The following ADAMTS5 variants were observed in gnomAD, a reference collection of about 807,000 sequenced individuals.
ADAMTS5 encodes the protein A disintegrin and metalloproteinase with thrombospondin motifs 5.
A neutral mutation model predicts 81.4 loss-of-function variants in ADAMTS5; 54 were observed. That is an observed-to-expected ratio of 0.66 (90% CI 0.53 to 0.83). ADAMTS5 has a LOEUF of 0.83. ADAMTS5 is among the 40% of genes least tolerant of loss of function. The pLI, the probability that ADAMTS5 is intolerant of heterozygous loss-of-function variation, is 0.00. For synonymous variants in ADAMTS5, 532 were observed against 508.8 expected, an observed-to-expected ratio of 1.05 and a Z score of -0.61; for missense variants, 1,194 against 1,229.9, an observed-to-expected ratio of 0.97 and a Z score of 0.44.
intron 6 of ADAMTS5, 82 bp downstream of exon 6, chr21:26,931,922 C>T (rs552511386): frequency 1.1e-4 from 152 of 1,387,196 alleles, no homozygotes; most frequent in East Asian, 5.4e-4. Context: ...TAACTGTTTA[C>T]GTCTGGCGTC....
chr21:26,924,262 CAG>C lies in ADAMTS5; in HGVS notation c.2582_2583del (p.Ser861CysfsTer3), dbSNP rs1986761046. On this transcript the variant is annotated frameshift_variant, in exon 8 of 8. Transcript: ENST00000284987. LOFTEE classifies it high-confidence loss of function. Reference sequence around the variant, plus strand: ...ACTTTATTGCTGCCATGACTAGTGACAGAGTTTACTTTTGGAGTGGACTTCTT... The same window carrying C: ...ACTTTATTGCTGCCATGACTAGTGACAGTTTACTTTTGGAGTGGACTTCTT... ...VPKKSTPKVN[S>X]VTSHGSNKVG... 3 of 1,614,176 alleles carry C rather than the reference CAG, an allele frequency of 1.9e-6. No individual in the cohort carries two copies. Among genetic ancestry groups the C allele is most frequent in the Middle Eastern group, 3.3e-4 (2 of 6,062 alleles).
intron 6 of ADAMTS5, among the ~76,000 whole-genome samples, chr21:26,930,465 T>G (rs768117009): frequency 6.6e-6 from 1 of 152,234 alleles, no homozygotes; most frequent in African/African-American, 2.4e-5. Context: ...TGTTGCATAG[T>G]TGTTATTATA....
At chr21:26,942,203 T>G (rs1220967077) in intron 3 of ADAMTS5, among the ~76,000 whole-genome samples, 1 of 152,110 alleles carries the variant, frequency 6.6e-6, no homozygotes, top group African/African-American at 2.4e-5. Context: ...ATCAGAGAAC[T>G]GTGCAGCTGA....
chr21:26,965,995 G>A lies in ADAMTS5; in HGVS notation c.397C>T (p.Arg133Trp), dbSNP rs566023250. Residue 133 changes from arginine to tryptophan, a missense_variant, in exon 1 of 8, where the codon CGG becomes TGG. Physicochemically the swap from Arg to Trp is moderately radical, Grantham distance 101. Coordinates refer to ENST00000284987, the MANE Select transcript of ADAMTS5 (RefSeq NM_007038.5). The part of the protein sequence containing the change: ...PWRHRSHCFY[R>W]GTVDGSPRSL... Reference sequence around the variant, plus strand: ...CGGGGACTACCGTCCACTGTGCCCCGATAGAAGCAGTGGCTCCGGTGGCGC... The same window carrying A: ...CGGGGACTACCGTCCACTGTGCCCCAATAGAAGCAGTGGCTCCGGTGGCGC... 41 of 1,613,214 alleles carry A rather than the reference G, an allele frequency of 2.5e-5. No homozygotes were observed. The African/African-American group carries it at 3.7e-4, about 15-fold the overall frequency.
intron 2 of ADAMTS5, among the ~76,000 whole-genome samples, chr21:26,950,177 C>T (rs573850531): frequency 8.5e-5 from 13 of 152,250 alleles, no homozygotes; most frequent in African/African-American, 2.9e-4. Context: ...TATAATTAAC[C>T]ACTATAAAGC....
chr21:26,960,487 A>G (rs1568853130), intron 1 of ADAMTS5, among the ~76,000 whole-genome samples: 1 of 152,204 alleles, frequency 6.6e-6, no homozygotes. Context: ...CTCTAATCAG[A>G]TAGGGTTAGT....
At chr21:26,926,534 A>G (rs1231328642) in intron 7 of ADAMTS5, among the ~76,000 whole-genome samples, 1 of 152,126 alleles carries the variant, frequency 6.6e-6, no homozygotes, top group Non-Finnish European at 1.5e-5. Context: ...GTAGCTGGGC[A>G]TGCTGGCCCG....
At chr21:26,927,516 G>C (rs117810817) in intron 7 of ADAMTS5, among the ~76,000 whole-genome samples, 58 of 152,314 alleles carry the variant, frequency 3.8e-4, no homozygotes, top group Non-Finnish European at 7.1e-4. Flanking sequence ...CTGGTGTCAT[G>C]TTTTTGAAGT....
rs1471280726 is a variant in ADAMTS5, at chr21:26,922,744, T to TA, written c.*1308dup. 1.3e-5 allele frequency: 2 copies of TA among 152,538 alleles called. No homozygotes were observed. 9.4% of individuals were successfully genotyped at this position (152,538 alleles called of 1,614,324 possible). A position where few individuals can be genotyped will look rare whatever the true frequency, so the allele number is the denominator to read the frequency against. ...CATCACATGTCATCACTCAAACACT[T>TA]ACGGGTACAATCAAGTGCTTTCCAG... is the stretch of plus-strand genomic sequence containing the variant. On this transcript the variant is annotated 3_prime_UTR_variant, in exon 8 of 8. Coordinates refer to ENST00000284987, the MANE Select transcript of ADAMTS5 (RefSeq NM_007038.5).
intron 3 of ADAMTS5, chr21:26,939,511 G>T (rs1055464972): frequency 1.3e-5 from 2 of 152,172 alleles, no homozygotes; most frequent in African/African-American, 4.8e-5. Flanking sequence ...AAGATTCAGA[G>T]AACTGGTTTT....
At position 26,965,780 on chromosome 21, in the gene ADAMTS5, C is replaced by A; in HGVS notation, c.612G>T (p.Pro204=). ...CGGGGGTTTCGCAGCTGGCGCGCGGCGGCAGGGCCTCGAAGCTGAAGCCCT... is the reference window on the plus strand; with the variant it reads ...CGGGGGTTTCGCAGCTGGCGCGCGGAGGCAGGGCCTCGAAGCTGAAGCCCT... ...TREGFSFEAL[P]PRASCETPAS... The change falls in exon 1 of 8, where the codon CCG becomes CCT. Residue 204 remains proline (P), a synonymous_variant. Coordinates refer to ENST00000284987, the MANE Select transcript of ADAMTS5 (RefSeq NM_007038.5). 6.2e-7 allele frequency: 1 copy of A among 1,601,810 alleles called. No individual in the cohort carries two copies. Among genetic ancestry groups the A allele is most frequent in the Non-Finnish European group, 8.5e-7 (1 of 1,174,492 alleles).
intron 7 of ADAMTS5, among the ~76,000 whole-genome samples, chr21:26,927,357 G>A (rs531988962): frequency 6.6e-6 from 1 of 152,310 alleles, no homozygotes; most frequent in South Asian, 2.1e-4. Context: ...CACAGTAGTG[G>A]TGGGAGTGGA....
chr21:26,957,238 A>G (rs1011136230), intron 1 of ADAMTS5, among the ~76,000 whole-genome samples: 1 of 152,232 alleles, frequency 6.6e-6, no homozygotes, highest in Non-Finnish European at 1.5e-5. Flanking sequence ...ATTTCTAACA[A>G]CATTTATAGG....
intron 1 of ADAMTS5, among the ~76,000 whole-genome samples, chr21:26,959,617 C>G (rs1487685806): frequency 6.6e-6 from 1 of 152,088 alleles, no homozygotes; most frequent in Non-Finnish European, 1.5e-5. Flanking sequence ...GGTTTTCTCT[C>G]TATGCTGTGT....
At chr21:26,934,224 CA>C in intron 4 of ADAMTS5, among the ~76,000 whole-genome samples, 1 of 152,266 alleles carries the variant, frequency 6.6e-6, no homozygotes, top group Middle Eastern at 3.4e-3. Flanking sequence ...ATCTGAGTTA[CA>C]TAAGTATTTG....
intron 4 of ADAMTS5, 29 bp from the exon 5 acceptor site, chr21:26,933,073 C>CTATA: frequency 4.4e-6 from 7 of 1,579,838 alleles, no homozygotes; most frequent in Non-Finnish European, 6.0e-6. Flanking sequence ...TATATTTTAA[C>CTATA]TCCAATGAGA....
intron 2 of ADAMTS5, 146 bp from the exon 3 acceptor site, chr21:26,943,693 A>G (rs1165390478): frequency 1.4e-6 from 1 of 719,458 alleles, no homozygotes; most frequent in Non-Finnish European, 2.2e-6. Context: ...CTGGACCTCC[A>G]GGGAAATAAA....
chr21:26,925,730 A>G (rs229079), intron 7 of ADAMTS5, among the ~76,000 whole-genome samples: 45,224 of 152,136 alleles, frequency 0.3, 7,369 homozygotes, highest in Non-Finnish European at 0.37. Flanking sequence ...ACATGCTAAA[A>G]ATCCAAGTGT....
intron 1 of ADAMTS5, among the ~76,000 whole-genome samples, chr21:26,960,319 A>G (rs927194910): frequency 6.6e-6 from 1 of 152,154 alleles, no homozygotes; most frequent in African/African-American, 2.4e-5. Flanking sequence ...CTGTCTTCCT[A>G]CTAATGTTCT....
Sources: allele counts gnomAD v4.1 joint callset (sites outside exome capture counted in the v4.1 genomes callset), GRCh38; gene constraint gnomAD v4.1.1; transcripts MANE v1.5; gene names NCBI Gene and HGNC (gene_info 2026-07-23, HGNC 2026-07-21).